Variants in MEI4 observed in about 807,000 individuals in gnomAD.
MEI4 encodes meiotic double-stranded break formation protein 4, also known as meiosis-specific protein MEI4.
A neutral mutation model predicts 31.4 loss-of-function variants in MEI4; 27 were observed. That is an observed-to-expected ratio of 0.86 (90% CI 0.63 to 1.19). The LOEUF (loss-of-function observed/expected upper bound fraction) is 1.19. Among genes scored for constraint, MEI4 ranks in the 50% most tolerant of loss-of-function variants. The pLI, the probability that MEI4 is intolerant of heterozygous loss-of-function variation, is 0.00. For synonymous variants in MEI4, 122 were observed against 145.4 expected, an observed-to-expected ratio of 0.84 and a Z score of 1.16; for missense variants, 329 against 398.9, an observed-to-expected ratio of 0.82 and a Z score of 1.49.
intron 3 of MEI4, among the ~76,000 whole-genome samples, chr6:77,809,137 A>C (rs1769511074): frequency 6.6e-6 from 1 of 152,190 alleles, no homozygotes; most frequent in African/African-American, 2.4e-5. Flanking sequence ...TTGTTTATTT[A>C]CTTACTCAAC....
rs1277806162 is a variant in MEI4 at position 77,653,093 on chromosome 6, G to A, written c.-15+1G>A. On this transcript the variant is annotated splice_donor_variant, in intron 1 of 4. Transcript: ENST00000684080. LOFTEE classifies it low-confidence loss of function (5UTR_SPLICE). The stretch of plus-strand genomic sequence containing the variant: ...CTCATTTCTGCTTCTCTGTTTACTG[G>A]TGAGCTGGTTCTCCACTCTTGAGCA... Among the ~76,000 whole-genome samples, 1 of 152,120 alleles carries A rather than the reference G, an allele frequency of 6.6e-6. No homozygotes were observed. Among genetic ancestry groups the A allele is most frequent in the Non-Finnish European group, 1.5e-5 (1 of 68,032 alleles).
At chr6:77,827,232 T>C (rs748983735) in intron 3 of MEI4, among the ~76,000 whole-genome samples, 3 of 151,164 alleles carry the variant, frequency 2.0e-5, no homozygotes, top group Admixed American at 6.6e-5. Context: ...TGGTGGCGGG[T>C]GCCTGTAGTC....
intron 3 of MEI4, among the ~76,000 whole-genome samples, chr6:77,794,152 A>G (rs745951727): frequency 6.6e-6 from 1 of 152,228 alleles, no homozygotes; most frequent in Non-Finnish European, 1.5e-5. Context: ...AGGAGTGGCT[A>G]TACTTACATC....
chr6:77,893,282 A>G (rs1329320195), intron 4 of MEI4, among the ~76,000 whole-genome samples: 2 of 152,186 alleles, frequency 1.3e-5, no homozygotes, highest in African/African-American at 2.4e-5. Flanking sequence ...CGTGTGTATT[A>G]ACATATGCAT....
chr6:77,913,105 T>C (rs1766467338), intron 4 of MEI4, among the ~76,000 whole-genome samples: 1 of 152,148 alleles, frequency 6.6e-6, no homozygotes, highest in African/African-American at 2.4e-5. Context: ...TGGTGTAATG[T>C]ATTGAACTAT....
chr6:77,663,361 T>G (rs1331737476), intron 1 of MEI4, among the ~76,000 whole-genome samples: 4 of 151,770 alleles, frequency 2.6e-5, no homozygotes, highest in Non-Finnish European at 2.9e-5. Context: ...GCATGATCGG[T>G]CGCCAAGGAG....
intron 4 of MEI4, among the ~76,000 whole-genome samples, chr6:77,836,507 G>A (rs150543665): frequency 2.6e-5 from 4 of 152,080 alleles, no homozygotes; most frequent in African/African-American, 9.6e-5. Context: ...ACTTTTCTCT[G>A]TTTTCCTTGT....
intron 4 of MEI4, among the ~76,000 whole-genome samples, chr6:77,842,022 A>T (rs867057064): frequency 1.3e-5 from 2 of 152,154 alleles, no homozygotes; most frequent in Middle Eastern, 3.2e-3. Context: ...CTCAGTAATA[A>T]TAAAATCAGG....
intron 3 of MEI4, among the ~76,000 whole-genome samples, chr6:77,800,148 C>G (rs1769207121): frequency 3.3e-5 from 5 of 152,092 alleles, no homozygotes; most frequent in East Asian, 1.9e-4. Context: ...TCTTCCATTT[C>G]TTTGTATCCT....
chr6:77,816,112 C>G (rs1042403290), intron 3 of MEI4, among the ~76,000 whole-genome samples: 1 of 151,974 alleles, frequency 6.6e-6, no homozygotes, highest in Non-Finnish European at 1.5e-5. Context: ...TATGAGCTGT[C>G]CAGAAGGAAA....
chr6:77,736,002 C>T lies in MEI4; in HGVS notation c.233-25128C>T, dbSNP rs568165299. Among the ~76,000 whole-genome samples the T allele has an allele frequency of 2.0e-5, 3 of 151,804 alleles. No homozygotes were observed. In the South Asian group the frequency reaches 6.3e-4, roughly 32 times the overall value. Reference sequence around the variant, plus strand: ...GGCAGTCTGCCCGTTCTCAGATCTCCAGCTGCGTGCTGGGAGAACCACTGC... The same window carrying T: ...GGCAGTCTGCCCGTTCTCAGATCTCTAGCTGCGTGCTGGGAGAACCACTGC... On this transcript the variant is annotated intron_variant, in intron 2 of 4. Coordinates refer to ENST00000684080, the MANE Select transcript of MEI4 (RefSeq NM_001322247.2).
intron 4 of MEI4, among the ~76,000 whole-genome samples, chr6:77,868,226 TA>T (rs999800515): frequency 1.7e-4 from 18 of 108,686 alleles, no homozygotes; most frequent in African/African-American, 5.2e-4. Flanking sequence ...AAAAAAAAAT[TA>T]AAAAAAATTA....
chr6:77,875,901 T>C (rs1771323026), intron 4 of MEI4, among the ~76,000 whole-genome samples: 1 of 152,186 alleles, frequency 6.6e-6, no homozygotes, highest in South Asian at 2.1e-4. Flanking sequence ...TTTATTTTTT[T>C]GACAAAGAAA....
At chr6:77,919,304 G>C (rs1351959828) in intron 4 of MEI4, among the ~76,000 whole-genome samples, 1 of 151,996 alleles carries the variant, frequency 6.6e-6, no homozygotes, top group Non-Finnish European at 1.5e-5. Context: ...CTATCTCTCA[G>C]ACCACAATGC....
At chr6:77,698,632 G>T (rs9800866) in intron 2 of MEI4, among the ~76,000 whole-genome samples, 31,397 of 152,180 alleles carry the variant, frequency 0.21, 3,604 homozygotes, top group African/African-American at 0.3. Flanking sequence ...TCTGCTGAGA[G>T]ATCCACTGGT....
intron 4 of MEI4, among the ~76,000 whole-genome samples, chr6:77,877,505 G>A (rs1771370252): frequency 6.7e-6 from 1 of 150,066 alleles, no homozygotes; most frequent in African/African-American, 2.5e-5. Context: ...CAGATTTTCT[G>A]ACACTTAGAT....
chr6:77,744,826 A>C lies in MEI4; in HGVS notation c.233-16304A>C, dbSNP rs575106550. ...TGGGGGCCAATATTCAACATTCTTA[A>C]AGGAAAGAATTTTCAACCCAGAATT... On this transcript the variant is annotated intron_variant, in intron 2 of 4. Transcript: ENST00000684080. 5.3e-5 allele frequency among the ~76,000 whole-genome samples: 8 copies of C among 152,304 alleles called. No homozygotes were observed. In the South Asian group the frequency reaches 1.4e-3, roughly 28 times the overall value.
intron 4 of MEI4, among the ~76,000 whole-genome samples, chr6:77,922,038 C>A (rs1220453850): frequency 6.6e-6 from 1 of 151,632 alleles, no homozygotes; most frequent in East Asian, 1.9e-4. Context: ...TTGCCACAAA[C>A]CTTCAATTTG....
At chr6:77,855,012 T>G (rs1770712874) in intron 4 of MEI4, among the ~76,000 whole-genome samples, 1 of 152,058 alleles carries the variant, frequency 6.6e-6, no homozygotes, top group South Asian at 2.1e-4. Context: ...GCCCTTCCTG[T>G]ATGTAGAAAT....
Sources: allele counts gnomAD v4.1 joint callset (sites outside exome capture counted in the v4.1 genomes callset), GRCh38; gene constraint gnomAD v4.1.1; transcripts MANE v1.5; gene names NCBI Gene and HGNC (gene_info 2026-07-23, HGNC 2026-07-21).